MED19: variants seen among roughly 807,000 people sequenced by gnomAD.
MED19 encodes the protein mediator of RNA polymerase II transcription subunit 19.
Under a neutral mutation model 19.9 loss-of-function variants are expected in MED19, and 4 were observed. The ratio of observed to expected loss-of-function variants is 0.20; its 90% confidence interval spans 0.10 to 0.46. The LOEUF is 0.46. MED19 is among the 20% of genes least tolerant of loss of function. The probability of loss-of-function intolerance (pLI) is 0.99; values close to 1 mark genes in which losing one functional copy is unlikely to be tolerated. For missense variants in MED19, 303 were observed against 318.7 expected, an observed-to-expected ratio of 0.95 and a Z score of 0.38; for synonymous variants, 139 against 119.6, an observed-to-expected ratio of 1.16 and a Z score of -1.06.
At chr11:57,705,651 C>CAAAA (rs557485819) in intron 1 of MED19, among the ~76,000 whole-genome samples, 1 of 58,016 alleles carries the variant, frequency 1.7e-5, no homozygotes, top group Admixed American at 1.9e-4. Context: ...GACTCTGTCT[C>CAAAA]AAAAAAAAAA....
intron 1 of MED19, among the ~76,000 whole-genome samples, chr11:57,706,833 G>GGAAT (rs1421567457): frequency 6.6e-6 from 1 of 152,172 alleles, no homozygotes; most frequent in Non-Finnish European, 1.5e-5. Context: ...TCTTATCTGT[G>GGAAT]GAATGGAATA....
Position 57,704,126 on chromosome 11 carries a change from G to C in MED19, c.667-20C>G. The C allele has an allele frequency of 6.5e-7, 1 of 1,536,122 alleles. No homozygotes were observed. Among genetic ancestry groups the C allele is most frequent in the South Asian group, 1.2e-5 (1 of 84,052 alleles). ...TCGATTCTGGGGGAGAAAGAAGCAG[G>C]GTAAGAACAACTAGGAACTAGCCTT... is the stretch of plus-strand genomic sequence containing the variant. On this transcript the variant is annotated intron_variant, in intron 4 of 4. Transcript: ENST00000431606.
At chr11:57,710,622 G>A (rs1459286982) in intron 1 of MED19, among the ~76,000 whole-genome samples, 1 of 151,886 alleles carries the variant, frequency 6.6e-6, no homozygotes, top group Non-Finnish European at 1.5e-5. Flanking sequence ...CTTTGTCTAT[G>A]CTTACATTTT....
chr11:57,711,745 G>A (rs1476480174), intron 1 of MED19, among the ~76,000 whole-genome samples: 1 of 152,130 alleles, frequency 6.6e-6, no homozygotes, highest in Non-Finnish European at 1.5e-5. Flanking sequence ...CTACGCCCCT[G>A]CCCGCCATTC....
At chr11:57,703,782 AAAAG>A (rs1946476100) in exon 5 of MED19, 2 of 452,642 alleles carry the variant, frequency 4.4e-6, no homozygotes, top group Admixed American at 3.9e-5. Context: ...CAAATTGCAC[AAAAG>A]AGAGAGAAGA....
chr11:57,711,611 C>T (rs1946611103), intron 1 of MED19, among the ~76,000 whole-genome samples: 1 of 152,186 alleles, frequency 6.6e-6, no homozygotes, highest in African/African-American at 2.4e-5. Context: ...GCCTCCGCCT[C>T]CCAGAGTGTT....
exon 5 of MED19, chr11:57,703,743 A>G (rs1250116851): frequency 3.4e-5 from 11 of 319,266 alleles, no homozygotes; most frequent in African/African-American, 2.4e-4. Context: ...TTTTTTTTAA[A>G]GAAAACACAG....
intron 3 of MED19, 102 bp downstream of exon 3, chr11:57,704,617 G>A (rs748252197): frequency 1.6e-5 from 25 of 1,608,132 alleles, no homozygotes; most frequent in Non-Finnish European, 1.7e-5. Flanking sequence ...AGCTCCATAC[G>A]GAACTTAACT....
intron 1 of MED19, among the ~76,000 whole-genome samples, chr11:57,707,432 G>A (rs1946521976): frequency 6.6e-6 from 1 of 152,180 alleles, no homozygotes; most frequent in Admixed American, 6.6e-5. Context: ...GTACTGAACT[G>A]TAAGCTCCTT....
chr11:57,711,361 A>T (rs1055366799), intron 1 of MED19, among the ~76,000 whole-genome samples: 5 of 151,914 alleles, frequency 3.3e-5, no homozygotes, highest in African/African-American at 1.2e-4. Context: ...CAAACCCTGG[A>T]TTTTGTTTGT....
In MED19 at chr11:57,704,410, TAG is replaced by T; in HGVS notation, c.572-16_572-15del. Reference sequence around the variant, plus strand: ...CAGATGGTGTTTCTGTAGGAGACATTAGGTACCTATCACCTGTAAAGCTCAAA... The same window carrying T: ...CAGATGGTGTTTCTGTAGGAGACATTGTACCTATCACCTGTAAAGCTCAAA... On this transcript the variant is annotated splice_polypyrimidine_tract_variant and intron_variant, in intron 3 of 4. Transcript: ENST00000431606. The T allele has an allele frequency of 1.3e-6, 2 of 1,536,960 alleles. No individual in the cohort carries two copies. Among genetic ancestry groups the T allele is most frequent in the South Asian group, 2.4e-5 (2 of 82,946 alleles).
chr11:57,707,965 T>C (rs1196988146), intron 1 of MED19, among the ~76,000 whole-genome samples: 1 of 152,148 alleles, frequency 6.6e-6, no homozygotes, highest in African/African-American at 2.4e-5. Flanking sequence ...CCCAGGTAGC[T>C]GGGACTACAT....
chr11:57,705,489 G>C lies in MED19; in HGVS notation c.218-260C>G, dbSNP rs1647400. 0.89 allele frequency among the ~76,000 whole-genome samples: 134,678 copies of C among 152,012 alleles called. 59,997 individuals are homozygous for C. Among genetic ancestry groups the C allele is most frequent in the East Asian group, 1 (5,164 of 5,174 alleles). ...ACAACACGGTGAAACTCCGTCTCTA[G>C]TAAAAATACAAAAAATTAGCCAGGC... On this transcript the variant is annotated intron_variant, in intron 1 of 4. Coordinates refer to ENST00000431606, the Ensembl canonical transcript of MED19.
intron 1 of MED19, among the ~76,000 whole-genome samples, chr11:57,711,006 C>T (rs1393295192): frequency 6.6e-6 from 1 of 152,014 alleles, no homozygotes; most frequent in African/African-American, 2.4e-5. Context: ...CAATTTTTAT[C>T]ATGTTTTCTT....
chr11:57,704,068 G>A, exon 5 of MED19: 1 of 1,536,152 alleles, frequency 6.5e-7, no homozygotes, highest in South Asian at 1.2e-5. Context: ...TGCTGGCCTG[G>A]GAGCTGCCCA....
intron 1 of MED19, among the ~76,000 whole-genome samples, chr11:57,711,516 G>A (rs898423161): frequency 3.3e-5 from 5 of 152,146 alleles, no homozygotes; most frequent in African/African-American, 1.2e-4. Flanking sequence ...ACCACGCCCA[G>A]GTAATTTTTG....
chr11:57,710,578 A>G (rs1025738960), intron 1 of MED19, among the ~76,000 whole-genome samples: 15 of 152,238 alleles, frequency 9.9e-5, no homozygotes, highest in Admixed American at 1.3e-4. Context: ...TGTATCTACA[A>G]TTGTCTCTCC....
At chr11:57,711,448 G>A (rs1488182913) in intron 1 of MED19, among the ~76,000 whole-genome samples, 1 of 152,030 alleles carries the variant, frequency 6.6e-6, no homozygotes, top group East Asian at 1.9e-4. Context: ...CGCCTCCCGG[G>A]GTTCAAACGA....
intron 1 of MED19, among the ~76,000 whole-genome samples, chr11:57,708,996 TGTAA>T (rs1286257954): frequency 2.0e-5 from 3 of 152,258 alleles, no homozygotes; most frequent in African/African-American, 4.8e-5. Flanking sequence ...AAATACTGCA[TGTAA>T]GTGTGTTGTG....
Sources: allele counts gnomAD v4.1 joint callset (sites outside exome capture counted in the v4.1 genomes callset), GRCh38; gene constraint gnomAD v4.1.1; transcripts MANE v1.5; gene names NCBI Gene and HGNC (gene_info 2026-07-23, HGNC 2026-07-21).